The following CLPB variants were observed in gnomAD, a reference collection of about 807,000 sequenced individuals.
The protein encoded by CLPB is ClpB family mitochondrial disaggregase, also known as mitochondrial disaggregase.
A neutral mutation model predicts 78.4 loss-of-function variants in CLPB; 40 were observed. The observed-to-expected ratio is 0.51, with a 90% CI of 0.40 to 0.66. The LOEUF is 0.66. Ranked by LOEUF, CLPB falls within the 30% of genes least tolerant of loss-of-function variation. The probability of loss-of-function intolerance (pLI) is 0.00; values close to 1 mark genes in which losing one functional copy is unlikely to be tolerated. For missense variants in CLPB, 780 were observed against 886.9 expected, an observed-to-expected ratio of 0.88 and a Z score of 1.53; for synonymous variants, 333 against 348.0, an observed-to-expected ratio of 0.96 and a Z score of 0.48.
intron 5 of CLPB, among the ~76,000 whole-genome samples, chr11:72,334,097 A>T (rs974672875): frequency 1.3e-5 from 2 of 152,220 alleles, no homozygotes; most frequent in Non-Finnish European, 2.9e-5. Flanking sequence ...AGACAGTGGA[A>T]GAACGAACAG....
intron 4 of CLPB, chr11:72,372,864 GA>G: frequency 7.0e-7 from 1 of 1,438,038 alleles, no homozygotes; most frequent in South Asian, 1.1e-5. Context: ...ATAGTCAGAT[GA>G]GACCATCCTT....
Position 72,294,296 on chromosome 11 carries a change from GC to G in CLPB, c.1680+28del, listed in dbSNP as rs747046226. 3.5e-5 allele frequency: 57 copies of G among 1,613,848 alleles called. No individual in the cohort carries two copies. In the African/African-American group the frequency reaches 7.1e-4, roughly 20 times the overall value. ...CAGATTTCCAGTGGCTGGCTATCCC[GC>G]CCCCACCCATGGGCAGTTCCCTCTT... On this transcript the variant is annotated intron_variant, in intron 14 of 15. Coordinates refer to ENST00000538039, the MANE Select transcript of CLPB (RefSeq NM_001258392.3).
chr11:72,302,271 A>C, intron 10 of CLPB, 33 bp downstream of exon 10: 1 of 1,611,086 alleles, frequency 6.2e-7, no homozygotes, highest in Non-Finnish European at 8.5e-7. Context: ...AGCCCTCCAA[A>C]CCATGCTTCA....
At chr11:72,388,666 T>A (rs182658192) in intron 3 of CLPB, among the ~76,000 whole-genome samples, 1 of 152,178 alleles carries the variant, frequency 6.6e-6, no homozygotes, top group Non-Finnish European at 1.5e-5. Flanking sequence ...CCTTGACATA[T>A]GGCCAGTAGG....
In CLPB at chr11:72,381,763, T is replaced by TAAA. The variant is rs561526424; in HGVS notation, c.543-1380_543-1379insTTT. 3.3e-5 allele frequency among the ~76,000 whole-genome samples: 5 copies of TAAA among 151,880 alleles called. No individual in the cohort carries two copies. The South Asian group carries it at 1.0e-3, about 32-fold the overall frequency. ...AGTTGGTCCACACAGCTCAGAGCTT[T>TAAA]AGGCCTGCCCTAGCACCAGGTCAGT... On this transcript the variant is annotated intron_variant, in intron 3 of 15. Transcript: ENST00000538039.
chr11:72,354,250 T>C (rs1950665109), intron 5 of CLPB: 1 of 394,616 alleles, frequency 2.5e-6, no homozygotes, highest in African/African-American at 2.1e-5. Flanking sequence ...AGTGATTTTC[T>C]CAATGCTTCC....
chr11:72,335,308 C>T (rs931773728), intron 5 of CLPB, among the ~76,000 whole-genome samples: 8 of 152,176 alleles, frequency 5.3e-5, no homozygotes, highest in African/African-American at 1.4e-4. Flanking sequence ...TTTGATTTGA[C>T]GCAATTATTG....
intron 5 of CLPB, chr11:72,332,716 A>C (rs1444749741): frequency 6.6e-6 from 1 of 152,154 alleles, no homozygotes; most frequent in Non-Finnish European, 1.5e-5. Context: ...CTATGAATGG[A>C]GTTGTATAAT....
At chr11:72,317,324 G>A in intron 6 of CLPB, 104 bp from the exon 7 acceptor site, 3 of 793,920 alleles carry the variant, frequency 3.8e-6, no homozygotes, top group Non-Finnish European at 5.8e-6. Context: ...GTATCCAGGG[G>A]TCCTGCTTCA....
At chr11:72,314,885 G>A (rs114244055) in intron 7 of CLPB, among the ~76,000 whole-genome samples, 1,859 of 152,268 alleles carry the variant, frequency 0.012, 30 homozygotes, top group African/African-American at 0.043. Context: ...GGAGCAGCAG[G>A]AGCAGGCCTG....
rs1949471102 is a variant in CLPB, at chr11:72,292,698, A to T, written c.*669T>A. ...TCAGGCCTCCTCCTGGAGGTGCCCA[A>T]CACTGGCCTAGTCCCCAAGGCTGAC... is the stretch of plus-strand genomic sequence containing the variant. On this transcript the variant is annotated 3_prime_UTR_variant, in exon 16 of 16. Coordinates refer to ENST00000538039, the MANE Select transcript of CLPB (RefSeq NM_001258392.3). The T allele has an allele frequency of 1.3e-5, 2 of 152,488 alleles. No individual in the cohort carries two copies. Among genetic ancestry groups the T allele is most frequent in the Non-Finnish European group, 2.9e-5 (2 of 68,340 alleles). 9.4% of individuals were successfully genotyped at this position (152,488 alleles called of 1,614,324 possible). A position where few individuals can be genotyped will look rare whatever the true frequency, so the allele number is the denominator to read the frequency against.
chr11:72,353,097 G>T (rs532137889), intron 5 of CLPB: 3 of 152,220 alleles, frequency 2.0e-5, no homozygotes, highest in Admixed American at 6.5e-5. Flanking sequence ...AACAAGAAGC[G>T]AACTCTTAAG....
chr11:72,411,482 T>G (rs1373183155), intron 2 of CLPB, among the ~76,000 whole-genome samples: 2 of 152,210 alleles, frequency 1.3e-5, no homozygotes, highest in African/African-American at 2.4e-5. Context: ...AGGAAATGAA[T>G]GAAATTATTT....
intron 4 of CLPB, among the ~76,000 whole-genome samples, chr11:72,363,053 G>A (rs1950870365): frequency 6.6e-6 from 1 of 152,124 alleles, no homozygotes; most frequent in East Asian, 1.9e-4. Context: ...CTACTCGGGA[G>A]GCTGAGGTGG....
At chr11:72,387,506 T>C (rs1855113492) in intron 3 of CLPB, among the ~76,000 whole-genome samples, 1 of 151,438 alleles carries the variant, frequency 6.6e-6, no homozygotes, top group South Asian at 2.1e-4. Flanking sequence ...CAGAGAGACC[T>C]GTGTTCAAAT....
chr11:72,333,373 T>C (rs1317006204), intron 5 of CLPB, among the ~76,000 whole-genome samples: 2 of 152,222 alleles, frequency 1.3e-5, no homozygotes, highest in Admixed American at 1.3e-4. Context: ...GCACTTTATA[T>C]CTGCAAGCCT....
chr11:72,385,376 T>C (rs1020019855), intron 3 of CLPB, among the ~76,000 whole-genome samples: 6 of 152,184 alleles, frequency 3.9e-5, no homozygotes, highest in African/African-American at 1.2e-4. Flanking sequence ...CCAGAAAATA[T>C]AGATAACCAA....
At chr11:72,415,140 C>T (rs977627330) in intron 2 of CLPB, among the ~76,000 whole-genome samples, 1 of 152,062 alleles carries the variant, frequency 6.6e-6, no homozygotes, top group Non-Finnish European at 1.5e-5. Context: ...CACTTGAACC[C>T]GGGAGGCGTG....
chr11:72,298,678 T>C (rs1949602269), intron 11 of CLPB, among the ~76,000 whole-genome samples: 1 of 152,158 alleles, frequency 6.6e-6, no homozygotes, highest in Non-Finnish European at 1.5e-5. Context: ...TTGTATTTTT[T>C]GTAGAGACAA....
Sources: gnomAD v4.1 joint callset for allele counts (sites outside exome capture counted in the v4.1 genomes callset) on GRCh38, gnomAD v4.1.1 for gene constraint, MANE v1.5 for transcripts, NCBI Gene and HGNC (gene_info 2026-07-23, HGNC 2026-07-21) for gene names.